Variants in TRPM7 observed in about 807,000 individuals in gnomAD.
TRPM7 encodes the protein LTRPC ion channel family member 7.
In TRPM7, 134 loss-of-function variants were observed where a neutral mutation model predicts 229.7. The observed-to-expected ratio is 0.58, with a 90% confidence interval of 0.51 to 0.67. TRPM7 has a LOEUF of 0.67. Among genes scored for constraint, TRPM7 ranks in the 30% least tolerant of loss-of-function variants. The probability of loss-of-function intolerance (pLI) is 0.00; values close to 1 mark genes in which losing one functional copy is unlikely to be tolerated. For synonymous variants in TRPM7, 699 were observed against 715.2 expected (o/e 0.98, Z 0.36); for missense variants, 1,901 against 2,210.0 (o/e 0.86, Z 2.80).
chr15:50,663,432 C>T (rs1440092103), intron 1 of TRPM7, among the ~76,000 whole-genome samples: 1 of 152,020 alleles, frequency 6.6e-6, no homozygotes, highest in Non-Finnish European at 1.5e-5. Context: ...GGCCCATAAA[C>T]ACTTCTATAC....
At chr15:50,635,221 G>C (rs959771340) in intron 7 of TRPM7, among the ~76,000 whole-genome samples, 2 of 150,420 alleles carry the variant, frequency 1.3e-5, no homozygotes, top group Non-Finnish European at 2.9e-5. Flanking sequence ...GGAGGGCTGA[G>C]GCAGGAGAAT....
chr15:50,613,758 T>C lies in TRPM7; in HGVS notation c.1719A>G (p.Glu573=), dbSNP rs749743721. The change falls in exon 15 of 39, where the codon GAA becomes GAG. Residue 573 remains glutamate, a synonymous_variant. Transcript: ENST00000646667. ...TAATGAAATGGTTATGCCTCATTTTTTCCTTTTTATCTGCCCTATTGCCAA... is the reference window on the plus strand; with the variant it reads ...TAATGAAATGGTTATGCCTCATTTTCTCCTTTTTATCTGCCCTATTGCCAA... ...ESFGNRADKK[E]KMRHNHFIKT... 1.9e-6 allele frequency: 3 copies of C among 1,613,846 alleles called. No homozygotes were observed. The highest frequency in any genetic ancestry group is 2.5e-6 in the Non-Finnish European group (3 of 1,179,950).
chr15:50,578,630 C>A lies in TRPM7; in HGVS notation c.4618+9G>T, dbSNP rs748476355. ...TTTTTTTCACGTTCAATCTACCACA[C>A]AGACTCACCATTTAATGTTCCTTCT... On this transcript the variant is annotated intron_variant, in intron 31 of 38. Transcript: ENST00000646667. The A allele has an allele frequency of 1.9e-5, 31 of 1,609,952 alleles. No homozygotes were observed. The highest frequency in any genetic ancestry group is 2.5e-5 in the Non-Finnish European group (29 of 1,177,498).
rs1409597249 is a variant in TRPM7 at position 50,561,678 on chromosome 15, T to C, written c.5598A>G (p.Ter1866=). 3 of 1,604,052 alleles carry C rather than the reference T, an allele frequency of 1.9e-6. No individual in the cohort carries two copies. Among genetic ancestry groups the C allele is most frequent in the East Asian group, 2.2e-5 (1 of 44,806 alleles). ...ESTNSVRLML[*] is the part of the protein sequence containing the mutation. ...AACCAATGATTCAGTAATATTAATA[T>C]TATAACATCAGACGAACAGAATTAG... The change falls in exon 39 of 39, where the codon TAA becomes TAG. Residue 1866 remains the stop codon, a stop_retained_variant. Transcript: ENST00000646667.
intron 1 of TRPM7, among the ~76,000 whole-genome samples, chr15:50,670,957 G>A (rs2061975544): frequency 6.6e-6 from 1 of 152,086 alleles, no homozygotes; most frequent in Non-Finnish European, 1.5e-5. Flanking sequence ...GCAGATTGCT[G>A]GAGCTCAGGA....
intron 30 of TRPM7, 124 bp downstream of exon 30, chr15:50,580,750 T>C (rs2140301221): frequency 2.5e-6 from 2 of 798,096 alleles, no homozygotes; most frequent in South Asian, 4.7e-5. Context: ...AGAGAGGAGA[T>C]GCTAGAATAA....
chr15:50,671,580 G>C (rs536818758), intron 1 of TRPM7, among the ~76,000 whole-genome samples: 1 of 152,246 alleles, frequency 6.6e-6, no homozygotes, highest in South Asian at 2.1e-4. Flanking sequence ...AGGAGGAGAT[G>C]AGAGGACTGC....
chr15:50,574,705 C>A lies in TRPM7; in HGVS notation c.5034G>T (p.Gln1678His). ...CAAACGTAAGCTTTTGTGCTGCTCTCTGTTGTTGAATTTCCTATAAAAGGG... is the reference window on the plus strand; with the variant it reads ...CAAACGTAAGCTTTTGTGCTGCTCTATGTTGTTGAATTTCCTATAAAAGGG... ...LHLCLREIQQ[Q>H]RAAQKLTFAF... The change falls in exon 35 of 39, where the codon CAG becomes CAT. Residue 1678 changes from glutamine (Q) to histidine (H), a missense_variant. Physicochemically the swap from Gln to His is conservative, Grantham distance 24. Transcript: ENST00000646667. 2 of 1,613,704 alleles carry A rather than the reference C, an allele frequency of 1.2e-6. No individual in the cohort carries two copies. The highest frequency in any genetic ancestry group is 1.7e-6 in the Non-Finnish European group (2 of 1,179,892).
At chr15:50,624,362 A>G in intron 11 of TRPM7, 62 bp from the exon 12 acceptor site, 1 of 1,381,838 alleles carries the variant, frequency 7.2e-7, no homozygotes, top group South Asian at 1.6e-5. Flanking sequence ...AACACTTTTA[A>G]ATGTTAAGTC....
rs954881992 is a variant in TRPM7, at chr15:50,653,209, A to C, written c.123-4324T>G. Among the ~76,000 whole-genome samples, 137 of 152,158 alleles carry C rather than the reference A, an allele frequency of 9.0e-4. 1 individual carries two copies. Among genetic ancestry groups the C allele is most frequent in the Non-Finnish European group, 1.7e-3 (113 of 68,020 alleles). On this transcript the variant is annotated intron_variant, in intron 3 of 38. Transcript: ENST00000646667. Reference sequence around the variant, plus strand: ...CTCACACCTGCAATCCCAGCTCTTAAGGAGGCATAAGTGGGAGCATAGCTT... The same window carrying C: ...CTCACACCTGCAATCCCAGCTCTTACGGAGGCATAAGTGGGAGCATAGCTT...
intron 28 of TRPM7, 73 bp downstream of exon 28, chr15:50,586,319 G>C (rs879897464): frequency 5.7e-6 from 6 of 1,051,100 alleles, no homozygotes; most frequent in Non-Finnish European, 8.6e-6. Context: ...TCATGTGTTT[G>C]ACAAACATAA....
chr15:50,582,571 A>G (rs909530477), intron 29 of TRPM7: 2 of 152,204 alleles, frequency 1.3e-5, no homozygotes, highest in African/African-American at 4.8e-5. Flanking sequence ...GTTACTGTGA[A>G]TCTCTTTGTT....
intron 1 of TRPM7, among the ~76,000 whole-genome samples, chr15:50,666,997 A>G (rs2061899953): frequency 6.6e-6 from 1 of 152,114 alleles, no homozygotes; most frequent in Non-Finnish European, 1.5e-5. Flanking sequence ...TGTCTTGCAC[A>G]AGATCCAGGA....
At chr15:50,653,154 C>A (rs1057153409) in intron 3 of TRPM7, among the ~76,000 whole-genome samples, 6 of 152,004 alleles carry the variant, frequency 3.9e-5, no homozygotes, top group East Asian at 1.9e-4. Context: ...CCCACTCCCC[C>A]CAAAAAGAAA....
intron 10 of TRPM7, 63 bp from the exon 11 acceptor site, chr15:50,628,312 C>CTTTTT: frequency 1.1e-6 from 1 of 946,534 alleles, no homozygotes; most frequent in Non-Finnish European, 1.6e-6. Flanking sequence ...AAGGTGAACA[C>CTTTTT]TTTTTTTTTT....
chr15:50,649,966 G>A (rs568985159), intron 3 of TRPM7, among the ~76,000 whole-genome samples: 9 of 151,970 alleles, frequency 5.9e-5, no homozygotes, highest in African/African-American at 1.2e-4. Flanking sequence ...AGGCCGAGAC[G>A]GGCAGATTAC....
At position 50,574,358 on chromosome 15, in the gene TRPM7, T is replaced by C. The variant is rs749064772; in HGVS notation, c.5224A>G (p.Asn1742Asp). ...GCTAGCATGATCTCTTCCAGAGTAT[T>C]AGTTGGAATAATCTCATCTCCATTA... ...NNNGDEIIPT[N>D]TLEEIMLAFS... The change falls in exon 36 of 39, where the codon AAT (asparagine) becomes GAT (aspartate). Residue 1742 changes from asparagine to aspartate, a missense_variant. Physicochemically the swap from Asn to Asp is conservative, Grantham distance 23 (BLOSUM62 1). Transcript: ENST00000646667. 1 of 1,613,978 alleles carries C rather than the reference T, an allele frequency of 6.2e-7. No homozygotes were observed. The highest frequency in any genetic ancestry group is 8.5e-7 in the Non-Finnish European group (1 of 1,179,912).
intron 38 of TRPM7, among the ~76,000 whole-genome samples, chr15:50,569,034 C>A (rs190376697): frequency 2.1e-4 from 31 of 149,684 alleles, no homozygotes; most frequent in African/African-American, 7.0e-4. Context: ...GGGCCCCAGA[C>A]ATGTGTAATT....
chr15:50,578,823 T>C (rs2140293370), intron 30 of TRPM7, among the ~76,000 whole-genome samples, 159 bp from the exon 31 acceptor site: 1 of 150,888 alleles, frequency 6.6e-6, no homozygotes, highest in South Asian at 2.1e-4. Context: ...CTTAAGCCAA[T>C]CCCAATCCAT....
Sources: gnomAD v4.1 joint callset for allele counts (sites outside exome capture counted in the v4.1 genomes callset) on GRCh38, gnomAD v4.1.1 for gene constraint, MANE v1.5 for transcripts, NCBI Gene and HGNC (gene_info 2026-07-23, HGNC 2026-07-21) for gene names.